Variants in KAT5 observed in about 807,000 individuals in gnomAD.
KAT5 encodes the protein histone acetyltransferase KAT5.
A neutral mutation model predicts 68.1 loss-of-function variants in KAT5; 31 were observed. The observed-to-expected ratio is 0.46, with a 90% CI of 0.34 to 0.61. KAT5 has a LOEUF of 0.61. KAT5 is among the 20% of genes least tolerant of loss of function. KAT5 has a pLI of 0.01. For missense variants in KAT5, 451 were observed against 725.5 expected, an observed-to-expected ratio of 0.62 and a Z score of 4.35; for synonymous variants, 365 against 292.6, an observed-to-expected ratio of 1.25 and a Z score of -2.52.
chr11:65,716,580 G>T (rs1027823861), intron 8 of KAT5, 87 bp from the exon 9 acceptor site: 10 of 1,333,466 alleles, frequency 7.5e-6, no homozygotes, highest in Admixed American at 3.5e-5. Context: ...GGCATAGCAC[G>T]AACAGTGAAG....
chr11:65,712,349 G>C lies in KAT5; in HGVS notation c.82G>C (p.Ala28Pro). The change falls in exon 1 of 13, where the codon GCC becomes CCC. Residue 28 changes from alanine (A) to proline (P), a missense_variant. Ala to Pro is a conservative substitution (Grantham distance 27). Around this residue, in one of 4 missense-constraint regions of KAT5, gnomAD observed 104 missense variants for 107.3 expected, o/e 0.97. Transcript: ENST00000341318. ...GGGTAGAGCCCGAGGCCCCCCAGTAGCCGACCCTGGCGTCGCGCTGTCTCC... is the reference window on the plus strand; with the variant it reads ...GGGTAGAGCCCGAGGCCCCCCAGTACCCGACCCTGGCGTCGCGCTGTCTCC... ...EVGRARGPPV[A>P]DPGVALSPQG... The C allele has an allele frequency of 6.5e-7, 1 of 1,533,974 alleles. No individual in the cohort carries two copies. Among genetic ancestry groups the C allele is most frequent in the African/African-American group, 1.4e-5 (1 of 70,660 alleles).
Position 65,718,603 on chromosome 11 carries a change from C to G in KAT5, c.1278C>G (p.Ser426=), listed in dbSNP as rs749844512. The change falls in exon 11 of 13, where the codon TCC becomes TCG. Residue 426 remains serine, a synonymous_variant. Coordinates refer to ENST00000341318, the MANE Select transcript of KAT5 (RefSeq NM_182710.3). ...CCATTGCTTTAGGCTATGAACTCTC[C>G]AAAGTGGAAGGGAAAACAGGGACCC... is the stretch of plus-strand genomic sequence containing the variant. ...KLLIEFSYEL[S]KVEGKTGTPE... is the part of the protein sequence containing the mutation. The G allele has an allele frequency of 1.2e-6, 2 of 1,614,158 alleles. No homozygotes were observed. Among genetic ancestry groups the G allele is most frequent in the Non-Finnish European group, 1.7e-6 (2 of 1,180,010 alleles).
At position 65,713,834 on chromosome 11, in the gene KAT5, T is replaced by A. The variant is rs935970611; in HGVS notation, c.676T>A (p.Leu226Met). Residue 226 changes from leucine to methionine, a missense_variant, in exon 6 of 13, where the codon TTG becomes ATG. Leu to Met is a conservative substitution (Grantham distance 15). This residue lies in a region of KAT5 where 210 missense variants were observed against 423.7 expected (regional missense o/e 0.50). Coordinates refer to ENST00000341318, the MANE Select transcript of KAT5 (RefSeq NM_182710.3). ...QPGRKRKSNCLGTDEDSQDSS... is the reference protein window; with the variant it reads ...QPGRKRKSNCMGTDEDSQDSS... Reference sequence around the variant, plus strand: ...AGGACGGAAGCGAAAATCGAATTGTTTGGGCACTGATGAGGTGGGTCTGGG... The same window carrying A: ...AGGACGGAAGCGAAAATCGAATTGTATGGGCACTGATGAGGTGGGTCTGGG... The A allele has an allele frequency of 1.3e-6, 2 of 1,585,092 alleles. No individual in the cohort carries two copies. The highest frequency in any genetic ancestry group is 1.7e-6 in the Non-Finnish European group (2 of 1,165,416).
At position 65,716,995 on chromosome 11, in the gene KAT5, G is replaced by A; in HGVS notation, c.1264+13G>A. The stretch of plus-strand genomic sequence containing the variant: ...CTGATCGAGTTCAGTGAGTATGTGT[G>A]CTGCGGCCAGGGGGTAGTGGACCCA... On this transcript the variant is annotated intron_variant, in intron 10 of 12. Coordinates refer to ENST00000341318, the MANE Select transcript of KAT5 (RefSeq NM_182710.3). 1 of 1,601,270 alleles carries A rather than the reference G, an allele frequency of 6.2e-7. No individual in the cohort carries two copies. The highest frequency in any genetic ancestry group is 8.6e-7 in the Non-Finnish European group (1 of 1,168,260).
chr11:65,719,204 C>T lies in KAT5; in HGVS notation c.*23C>T. The stretch of plus-strand genomic sequence containing the variant: ...TGACCAGACACTGCCCACTGCAGTG[C>T]CAAGACGGCAGCAGGACTGGGGCTG... On this transcript the variant is annotated 3_prime_UTR_variant, in exon 13 of 13. Coordinates refer to ENST00000341318, the MANE Select transcript of KAT5 (RefSeq NM_182710.3). 3 of 1,610,920 alleles carry T rather than the reference C, an allele frequency of 1.9e-6. No individual in the cohort carries two copies. Among genetic ancestry groups the T allele is most frequent in the Non-Finnish European group, 2.5e-6 (3 of 1,178,740 alleles).
intron 6 of KAT5, 166 bp downstream of exon 6, chr11:65,714,014 G>T: frequency 1.5e-6 from 1 of 666,962 alleles, no homozygotes; most frequent in Non-Finnish European, 2.5e-6. Context: ...AGTCATTGGG[G>T]CCGGGCACCA....
rs940433483 is a variant in KAT5 at position 65,712,365 on chromosome 11, C to T, written c.98C>T (p.Ala33Val). ...RGPPVADPGV[A>V]LSPQGEIIEG... Reference sequence around the variant, plus strand: ...CCCCCAGTAGCCGACCCTGGCGTCGCGCTGTCTCCCCAGGGGGAGATAATC... The same window carrying T: ...CCCCCAGTAGCCGACCCTGGCGTCGTGCTGTCTCCCCAGGGGGAGATAATC... The change falls in exon 1 of 13, where the codon GCG (alanine) becomes GTG (valine). Residue 33 changes from alanine to valine, a missense_variant. Physicochemically the swap from Ala to Val is moderately conservative, Grantham distance 64. Around this residue, in one of 4 missense-constraint regions of KAT5, gnomAD observed 104 missense variants for 107.3 expected, o/e 0.97. Coordinates refer to ENST00000341318, the MANE Select transcript of KAT5 (RefSeq NM_182710.3). 1 of 1,542,528 alleles carries T rather than the reference C, an allele frequency of 6.5e-7. No homozygotes were observed. The highest frequency in any genetic ancestry group is 8.7e-7 in the Non-Finnish European group (1 of 1,155,094).
intron 3 of KAT5, 124 bp downstream of exon 3, chr11:65,713,182 T>TG (rs1295971149): frequency 7.2e-7 from 1 of 1,391,008 alleles, no homozygotes; most frequent in Non-Finnish European, 1.0e-6. Flanking sequence ...TTGCAAAGGA[T>TG]GGGGGCCAAA....
Position 65,712,950 on chromosome 11 carries a change from G to C in KAT5, c.276G>C (p.Thr92=), listed in dbSNP as rs540185082. ...DFNKRLDEWV[T]HERLDLKKIQ... is the part of the protein sequence containing the mutation. Reference sequence around the variant, plus strand: ...ACAAACGTCTGGATGAATGGGTGACGCATGAGCGGCTGGACCTAAAGAAGA... The same window carrying C: ...ACAAACGTCTGGATGAATGGGTGACCCATGAGCGGCTGGACCTAAAGAAGA... Residue 92 remains threonine, a synonymous_variant, in exon 3 of 13, where the codon ACG becomes ACC. Transcript: ENST00000341318. 1.9e-6 allele frequency: 3 copies of C among 1,614,114 alleles called. No individual in the cohort carries two copies. Among genetic ancestry groups the C allele is most frequent in the Non-Finnish European group, 2.5e-6 (3 of 1,180,022 alleles).
chr11:65,714,405 G>A, intron 6 of KAT5, 90 bp from the exon 7 acceptor site: 1 of 1,477,258 alleles, frequency 6.8e-7, no homozygotes, highest in Non-Finnish European at 9.2e-7. Context: ...TTGCTGTTAG[G>A]CTTGAAGGAA....
chr11:65,713,088 C>T (rs377029122), intron 3 of KAT5, 30 bp downstream of exon 3: 209 of 1,611,224 alleles, frequency 1.3e-4, no homozygotes, highest in Non-Finnish European at 1.5e-4. Context: ...CACCTTTTCT[C>T]TCCTGCCTCC....
intron 7 of KAT5, 36 bp from the exon 8 acceptor site, chr11:65,714,785 C>CA: frequency 6.2e-7 from 1 of 1,614,160 alleles, no homozygotes; most frequent in Non-Finnish European, 8.5e-7. Context: ...GCACCCTCCA[C>CA]GTTGCCCTTG....
intron 9 of KAT5, 22 bp downstream of exon 9, chr11:65,716,829 C>T (rs780734618): frequency 1.2e-6 from 2 of 1,614,118 alleles, no homozygotes; most frequent in Non-Finnish European, 1.7e-6. Flanking sequence ...CCCAAGCTGT[C>T]CCTGTGCCCT....
At position 65,718,084 on chromosome 11, in the gene KAT5, C is replaced by G. The variant is rs149989742; in HGVS notation, c.1265-506C>G. 326 of 154,308 alleles carry G rather than the reference C, an allele frequency of 2.1e-3. No homozygotes were observed. The highest frequency in any genetic ancestry group is 7.5e-3 in the African/African-American group (312 of 41,560). 9.6% of individuals were successfully genotyped at this position (154,308 alleles called of 1,614,324 possible). On this transcript the variant is annotated intron_variant, in intron 10 of 12. Transcript: ENST00000341318. ...CGACTTAGGAAGCACCTTGGTGCAC[C>G]TTTTCTCCTTGCATCCTCACAACCA...
In KAT5 at chr11:65,714,831, A is replaced by G. The variant is rs1857143189; in HGVS notation, c.950A>G (p.Asp317Gly). Residue 317 changes from aspartate to glycine, a missense_variant, in exon 8 of 13, where the codon GAC (aspartate) becomes GGC (glycine). Around this residue, in one of 4 missense-constraint regions of KAT5, gnomAD observed 210 missense variants for 423.7 expected, o/e 0.50. Transcript: ENST00000341318. ...KCLQRHLTKC[D>G]LRHPPGNEIY... ...TCCTCTCTTCCCCAGACCAAGTGTG[A>G]CCTACGACATCCTCCAGGCAATGAG... 1 of 1,614,114 alleles carries G rather than the reference A, an allele frequency of 6.2e-7. No individual in the cohort carries two copies.
chr11:65,713,652 C>T lies in KAT5; in HGVS notation c.600C>T (p.Ala200=). Residue 200 remains alanine, a synonymous_variant, in exon 5 of 13, where the codon GCC becomes GCT. Coordinates refer to ENST00000341318, the MANE Select transcript of KAT5 (RefSeq NM_182710.3). ...CAGTGCCCAGCGAGACAGCCCCGGCCTCGGTTTTTCCCCAGGTGAGTTCCC... is the reference window on the plus strand; with the variant it reads ...CAGTGCCCAGCGAGACAGCCCCGGCTTCGGTTTTTCCCCAGGTGAGTTCCC... ...ATPVPSETAP[A]SVFPQNGAAR... The T allele has an allele frequency of 6.2e-7, 1 of 1,614,244 alleles. No homozygotes were observed. The highest frequency in any genetic ancestry group is 8.5e-7 in the Non-Finnish European group (1 of 1,180,042).
At chr11:65,712,033 T>G (rs528656237), upstream of KAT5, 1 of 404,744 alleles carries the variant, frequency 2.5e-6, no homozygotes, top group Non-Finnish European at 4.4e-6. Flanking sequence ...ACGGACTCAG[T>G]AGACCGCCAC....
Position 65,719,398 on chromosome 11 carries a change from G to T in KAT5, c.*217G>T, listed in dbSNP as rs757672652. The T allele has an allele frequency of 2.5e-4, 158 of 628,990 alleles. No individual in the cohort carries two copies. Among genetic ancestry groups the T allele is most frequent in the Non-Finnish European group, 4.0e-4 (145 of 363,588 alleles). The allele number at this position is 628,990 out of a possible 1,614,324, so 39.0% of individuals were successfully genotyped here. ...CAAGGTCAGCTGGCCACAGGCCCAG[G>T]CCTCCTCTGAAGCAGGGACCAGAGG... On this transcript the variant is annotated 3_prime_UTR_variant, in exon 13 of 13. Coordinates refer to ENST00000341318, the MANE Select transcript of KAT5 (RefSeq NM_182710.3).
rs143910658 is a variant in KAT5 at position 65,714,863 on chromosome 11, C to T, written c.982C>T (p.Arg328Cys). Residue 328 changes from arginine to cysteine, a missense_variant, in exon 8 of 13, where the codon CGC becomes TGC. Transcript: ENST00000341318. Reference protein sequence around the residue: ...LRHPPGNEIYRKGTISFFEID... With the variant: ...LRHPPGNEIYCKGTISFFEID... Reference sequence around the variant, plus strand: ...ACATCCTCCAGGCAATGAGATTTACCGCAAGGGCACCATCTCCTTCTTTGA... The same window carrying T: ...ACATCCTCCAGGCAATGAGATTTACTGCAAGGGCACCATCTCCTTCTTTGA... 5 of 1,614,074 alleles carry T rather than the reference C, an allele frequency of 3.1e-6. No individual in the cohort carries two copies. Among genetic ancestry groups the T allele is most frequent in the African/African-American group, 1.3e-5 (1 of 74,934 alleles).
Sources: gnomAD v4.1 joint callset for allele counts on GRCh38, gnomAD v4.1.1 for gene constraint, gnomAD v4.1.1 regional missense constraint, MANE v1.5 for transcripts, NCBI Gene and HGNC (gene_info 2026-07-23, HGNC 2026-07-21) for gene names.